FNIP2: variants seen among roughly 807,000 people sequenced by gnomAD.
The protein encoded by FNIP2 is folliculin interacting protein 2.
A neutral mutation model predicts 108.7 loss-of-function variants in FNIP2; 32 were observed. The observed-to-expected ratio is 0.29, with a 90% CI of 0.22 to 0.40. The LOEUF (loss-of-function observed/expected upper bound fraction) is 0.40. FNIP2 is among the 10% of genes least tolerant of loss of function. FNIP2 has a pLI of 1.00. For synonymous variants in FNIP2, 480 were observed against 496.7 expected (o/e 0.97, Z 0.45); for missense variants, 1,202 against 1,381.6 (o/e 0.87, Z 2.06).
At chr4:158,828,728 C>T (rs540955217) in intron 2 of FNIP2, among the ~76,000 whole-genome samples, 1 of 152,200 alleles carries the variant, frequency 6.6e-6, no homozygotes, top group South Asian at 2.1e-4. Flanking sequence ...TCATCTTTCT[C>T]CTCATCAATG....
At chr4:158,863,130 C>T (rs764400459) in intron 12 of FNIP2, among the ~76,000 whole-genome samples, 7 of 152,166 alleles carry the variant, frequency 4.6e-5, no homozygotes, top group South Asian at 2.1e-4. Context: ...TGGCTATTGA[C>T]AAGAGGAGTG....
At chr4:158,820,148 A>T (rs551499932) in intron 1 of FNIP2, among the ~76,000 whole-genome samples, 3 of 152,132 alleles carry the variant, frequency 2.0e-5, no homozygotes, top group Non-Finnish European at 2.9e-5. Flanking sequence ...GTTTCCTATC[A>T]TTCCTGACTG....
At position 158,905,710 on chromosome 4, in the gene FNIP2, A is replaced by C. The variant is rs201043000; in HGVS notation, c.*1166A>C. 11 of 132,374 alleles carry C rather than the reference A, an allele frequency of 8.3e-5. No homozygotes were observed. The highest frequency in any genetic ancestry group is 1.7e-4 in the Non-Finnish European group (11 of 63,138). 8.2% of individuals were successfully genotyped at this position (132,374 alleles called of 1,614,324 possible). ...AAGTTCATGCAAAAAAAAAAAAAAAACAACCTAATTTTCTGTTAATATAAA... is the reference window on the plus strand; with the variant it reads ...AAGTTCATGCAAAAAAAAAAAAAAACCAACCTAATTTTCTGTTAATATAAA... On this transcript the variant is annotated 3_prime_UTR_variant, in exon 17 of 17. Transcript: ENST00000264433.
At chr4:158,776,691 C>G (rs1560748025) in intron 1 of FNIP2, among the ~76,000 whole-genome samples, 4 of 152,206 alleles carry the variant, frequency 2.6e-5, no homozygotes, top group Admixed American at 2.0e-4. Flanking sequence ...GTGATAGTTA[C>G]AGCATGGCTG....
intron 6 of FNIP2, chr4:158,834,065 C>T (rs573232104): frequency 2.3e-5 from 7 of 309,576 alleles, no homozygotes; most frequent in Non-Finnish European, 4.3e-5. Flanking sequence ...GCCAATGAAC[C>T]TCTCTTGTAA....
At chr4:158,889,830 C>G (rs970286420) in intron 14 of FNIP2, 1 of 983,514 alleles carries the variant, frequency 1.0e-6, no homozygotes, top group East Asian at 1.1e-4. Flanking sequence ...CCATAAGGAC[C>G]AGACTCATTG....
chr4:158,794,592 A>G (rs2126460263), intron 1 of FNIP2: 1 of 152,532 alleles, frequency 6.6e-6, no homozygotes, highest in Non-Finnish European at 1.5e-5. Context: ...GCTATTAAAA[A>G]AATATGGAAC....
chr4:158,872,548 C>A (rs1781012622), intron 14 of FNIP2: 1 of 985,226 alleles, frequency 1.0e-6, no homozygotes, highest in African/African-American at 1.7e-5. Context: ...ATCCAAAGTG[C>A]AGCCATGCGT....
intron 1 of FNIP2, among the ~76,000 whole-genome samples, chr4:158,787,602 A>T (rs1394334600): frequency 6.6e-6 from 1 of 152,212 alleles, no homozygotes; most frequent in Non-Finnish European, 1.5e-5. Context: ...TAGTCCTATG[A>T]GTATGGCAAG....
intron 1 of FNIP2, among the ~76,000 whole-genome samples, chr4:158,802,789 G>A (rs77463065): frequency 6.6e-6 from 1 of 152,330 alleles, no homozygotes; most frequent in Non-Finnish European, 1.5e-5. Context: ...TGATTGTTTA[G>A]AGATTTTGGC....
At chr4:158,826,063 T>C in intron 2 of FNIP2, 21 bp downstream of exon 2, 1 of 1,598,166 alleles carries the variant, frequency 6.3e-7, no homozygotes, top group Non-Finnish European at 8.6e-7. Context: ...CTGATTTGCT[T>C]TCTCCTTTTC....
chr4:158,795,766 A>C (rs867918232), intron 1 of FNIP2: 1 of 152,310 alleles, frequency 6.6e-6, no homozygotes, highest in African/African-American at 2.4e-5. Flanking sequence ...TCAGATCAGC[A>C]GCGGCATTAG....
At position 158,904,559 on chromosome 4, in the gene FNIP2, C is replaced by A. The variant is rs1386891407; in HGVS notation, c.*15C>A. On this transcript the variant is annotated 3_prime_UTR_variant, in exon 17 of 17. Coordinates refer to ENST00000264433, the MANE Select transcript of FNIP2 (RefSeq NM_020840.3). ...TACTCTTATAAGCTAAAGCTCAGGA[C>A]AGTTCTTCCTTGGAAGAAAAAAATC... The A allele has an allele frequency of 6.2e-7, 1 of 1,606,802 alleles. No homozygotes were observed. Among genetic ancestry groups the A allele is most frequent in the Non-Finnish European group, 8.5e-7 (1 of 1,175,324 alleles).
intron 8 of FNIP2, among the ~76,000 whole-genome samples, chr4:158,857,222 GA>G (rs1780034612): frequency 6.6e-6 from 1 of 152,144 alleles, no homozygotes; most frequent in African/African-American, 2.4e-5. Flanking sequence ...TTTTACTTTT[GA>G]AAAAGAAGGG....
chr4:158,850,713 T>A (rs968469800), intron 7 of FNIP2, among the ~76,000 whole-genome samples: 2 of 148,544 alleles, frequency 1.3e-5, no homozygotes, highest in Admixed American at 6.8e-5. Flanking sequence ...AAAAACTTAT[T>A]TGCCTAATTT....
chr4:158,899,673 A>G (rs957244947), intron 16 of FNIP2, among the ~76,000 whole-genome samples: 3 of 152,030 alleles, frequency 2.0e-5, no homozygotes, highest in Non-Finnish European at 4.4e-5. Flanking sequence ...GTTAGTTTGT[A>G]TTTCTGTGGG....
intron 1 of FNIP2, among the ~76,000 whole-genome samples, chr4:158,778,105 G>A (rs1775918162): frequency 6.6e-6 from 1 of 152,164 alleles, no homozygotes; most frequent in Admixed American, 6.5e-5. Flanking sequence ...CTCAAGTCTG[G>A]TCAGACACTA....
Position 158,891,593 on chromosome 4 carries a change from A to G in FNIP2, c.3097A>G (p.Ser1033Gly), listed in dbSNP as rs747432492. ...QDVLVSSQVS[S>G]LLQSILQLYK... is the part of the protein sequence containing the mutation. ...TGTCCTGGTCTCTAGTCAGGTGTCC[A>G]GTTTGCTTCAGTCCATTTTACAGCT... Residue 1033 changes from serine (S) to glycine (G), a missense_variant, in exon 15 of 17, where the codon AGT becomes GGT. Coordinates refer to ENST00000264433, the MANE Select transcript of FNIP2 (RefSeq NM_020840.3). 2.2e-5 allele frequency: 36 copies of G among 1,612,858 alleles called. No homozygotes were observed. Among genetic ancestry groups the G allele is most frequent in the Non-Finnish European group, 3.1e-5 (36 of 1,179,530 alleles).
intron 1 of FNIP2, among the ~76,000 whole-genome samples, chr4:158,803,080 C>CA (rs1260147708): frequency 6.6e-6 from 1 of 152,158 alleles, no homozygotes. Flanking sequence ...GTGAAAGTAG[C>CA]AGTGGTGGCA....
Sources: allele counts gnomAD v4.1 joint callset (sites outside exome capture counted in the v4.1 genomes callset), GRCh38; gene constraint gnomAD v4.1.1; transcripts MANE v1.5; gene names NCBI Gene and HGNC (gene_info 2026-07-23, HGNC 2026-07-21).